The following DAB1 variants were observed in gnomAD, a reference collection of about 807,000 sequenced individuals.
DAB1 encodes disabled homolog 1.
In DAB1, 15 loss-of-function variants were observed where a neutral mutation model predicts 64.6. The observed-to-expected ratio is 0.23, with a 90% CI of 0.16 to 0.36. The LOEUF is 0.36. Among genes scored for constraint, DAB1 ranks in the 10% least tolerant of loss-of-function variants. DAB1 has a pLI of 1.00. For synonymous variants in DAB1, 235 were observed against 251.9 expected, an observed-to-expected ratio of 0.93 and a Z score of 0.64; for missense variants, 596 against 706.7, an observed-to-expected ratio of 0.84 and a Z score of 1.78.
chr1:57,031,614 G>A (rs1168253655), intron 9 of DAB1, among the ~76,000 whole-genome samples: 1 of 152,200 alleles, frequency 6.6e-6, no homozygotes, highest in Admixed American at 6.5e-5. Context: ...AGCTGGGATG[G>A]ACTTGACCCA....
At chr1:58,111,244 A>G (rs1370362031) in intron 5 of DAB1, among the ~76,000 whole-genome samples, 2 of 152,232 alleles carry the variant, frequency 1.3e-5, no homozygotes, top group Non-Finnish European at 2.9e-5. Flanking sequence ...CAGGCAAGTT[A>G]CTTCTCCTCT....
chr1:57,358,975 A>G (rs1317389932), intron 1 of DAB1, among the ~76,000 whole-genome samples: 1 of 152,084 alleles, frequency 6.6e-6, no homozygotes, highest in African/African-American at 2.4e-5. Context: ...ATTTAAATAT[A>G]TTAATCAAAA....
chr1:57,414,378 T>C (rs1287647183), intron 1 of DAB1, among the ~76,000 whole-genome samples: 1 of 152,242 alleles, frequency 6.6e-6, no homozygotes, highest in African/African-American at 2.4e-5. Flanking sequence ...GATTATGACT[T>C]GCTGAAGGCT....
At chr1:58,499,477 T>TAGATAG in intron 3 of DAB1, among the ~76,000 whole-genome samples, 1 of 143,662 alleles carries the variant, frequency 7.0e-6, no homozygotes, top group South Asian at 2.2e-4. Flanking sequence ...AAAGCCAGAC[T>TAGATAG]ATAGATAGAT....
chr1:58,062,590 A>G (rs1648571662), intron 5 of DAB1, among the ~76,000 whole-genome samples: 1 of 152,182 alleles, frequency 6.6e-6, no homozygotes, highest in Non-Finnish European at 1.5e-5. Flanking sequence ...TCACAGAGCA[A>G]GGCATGGGGA....
At chr1:57,695,400 GAAAGA>G (rs1557427968) in intron 6 of DAB1, among the ~76,000 whole-genome samples, 7 of 84,692 alleles carry the variant, frequency 8.3e-5, no homozygotes, top group East Asian at 1.2e-3. Context: ...AAGAAAGAAA[GAAAGA>G]AAGAAAGAAA....
chr1:57,141,212 T>G (rs1294261827), intron 3 of DAB1, among the ~76,000 whole-genome samples: 1 of 152,140 alleles, frequency 6.6e-6, no homozygotes, highest in East Asian at 1.9e-4. Flanking sequence ...GGAATATAAG[T>G]ATCTTTCTCT....
intron 4 of DAB1, among the ~76,000 whole-genome samples, chr1:58,158,672 C>T (rs1655350604): frequency 6.6e-6 from 1 of 152,198 alleles, no homozygotes; most frequent in African/African-American, 2.4e-5. Context: ...AGTAGCCACA[C>T]AGTCAGACAG....
chr1:57,003,664 CT>C (rs146096432), intron 14 of DAB1, among the ~76,000 whole-genome samples: 2,121 of 152,242 alleles, frequency 0.014, 27 homozygotes, highest in Middle Eastern at 0.027. Context: ...CAAACAGAAA[CT>C]CTGTACCCAT....
intron 2 of DAB1, among the ~76,000 whole-genome samples, chr1:57,205,271 C>G (rs1377654236): frequency 6.6e-6 from 1 of 152,160 alleles, no homozygotes; most frequent in Non-Finnish European, 1.5e-5. Context: ...AAAGTCCTAC[C>G]CCAGCAGTAA....
At chr1:57,734,412 T>G (rs1647582262) in intron 6 of DAB1, among the ~76,000 whole-genome samples, 1 of 152,134 alleles carries the variant, frequency 6.6e-6, no homozygotes, top group Non-Finnish European at 1.5e-5. Flanking sequence ...TAAAAGGTAA[T>G]ATATAGAGAA....
intron 2 of DAB1, among the ~76,000 whole-genome samples, chr1:57,198,960 C>A (rs936041618): frequency 6.6e-6 from 1 of 152,142 alleles, no homozygotes; most frequent in African/African-American, 2.4e-5. Flanking sequence ...TGAAGGTCAG[C>A]AGCTTGCAAT....
chr1:58,366,599 C>T (rs2100530689), intron 3 of DAB1, among the ~76,000 whole-genome samples: 1 of 152,338 alleles, frequency 6.6e-6, no homozygotes, highest in South Asian at 2.1e-4. Flanking sequence ...CCCATTCCTC[C>T]CAGTACCTCA....
At position 57,101,911 on chromosome 1, in the gene DAB1, T is replaced by A. The variant is rs564393500; in HGVS notation, c.307-29497A>T. On this transcript the variant is annotated intron_variant, in intron 4 of 14. Transcript: ENST00000371236. ...GTTTACAGATGAGGACACTGAGGCA[T>A]AGAGAAGTTAATTACCTACCTAAAG... Among the ~76,000 whole-genome samples, 36 of 152,330 alleles carry A rather than the reference T, an allele frequency of 2.4e-4. No homozygotes were observed. In the East Asian group the frequency reaches 6.8e-3, roughly 29 times the overall value.
At chr1:57,903,485 C>G (rs1169572653) in intron 5 of DAB1, among the ~76,000 whole-genome samples, 7 of 152,096 alleles carry the variant, frequency 4.6e-5, no homozygotes, top group Non-Finnish European at 1.0e-4. Context: ...GAGGAAAAAA[C>G]TGGAGTCTTC....
At chr1:57,714,180 G>A (rs202069128) in intron 6 of DAB1, among the ~76,000 whole-genome samples, 2 of 51,442 alleles carry the variant, frequency 3.9e-5, no homozygotes, top group African/African-American at 4.9e-4. Flanking sequence ...TAATTTACAC[G>A]TTACCTCATT....
chr1:57,555,298 A>G (rs953254456), intron 7 of DAB1, among the ~76,000 whole-genome samples: 3 of 150,572 alleles, frequency 2.0e-5, no homozygotes, highest in Non-Finnish European at 4.4e-5. Context: ...CTCCCAAAGT[A>G]CTGGGATTAC....
At chr1:57,681,498 A>G (rs1646636122) in intron 6 of DAB1, among the ~76,000 whole-genome samples, 1 of 152,210 alleles carries the variant, frequency 6.6e-6, no homozygotes, top group African/African-American at 2.4e-5. Context: ...TCAGGATATT[A>G]GGAAAAGTGA....
In DAB1 at chr1:58,300,629, AGAGAGAGAGAGAGAGAGAGGAAGG is replaced by A. The variant is rs1358831923; in HGVS notation, n.309+42699_309+42722del. On this transcript the variant is annotated intron_variant and non_coding_transcript_variant, in intron 4 of 20. Transcript: ENST00000485760. Reference sequence around the variant, plus strand: ...GAAAGAAAGAGAGAGAGAGAGAGAGAGAGAGAGAGAGAGAGAGAGGAAGGAAGGAAGGAAGGAAGGAAGGAAGGA... The same window carrying A: ...GAAAGAAAGAGAGAGAGAGAGAGAGAAAGGAAGGAAGGAAGGAAGGAAGGA... 6.1e-3 allele frequency among the ~76,000 whole-genome samples: 360 copies of A among 59,262 alleles called. 7 individuals are homozygous for A. Among genetic ancestry groups the A allele is most frequent in the South Asian group, 0.013 (15 of 1,166 alleles). 38.9% of individuals were successfully genotyped at this position (59,262 alleles called of 152,430 possible). A position where few individuals can be genotyped will look rare whatever the true frequency, so the allele number is the denominator to read the frequency against.
Sources: gnomAD v4.1 joint callset for allele counts (sites outside exome capture counted in the v4.1 genomes callset) on GRCh38, gnomAD v4.1.1 for gene constraint, MANE v1.5 for transcripts, NCBI Gene and HGNC (gene_info 2026-07-23, HGNC 2026-07-21) for gene names.